Variants in ABCC1 observed in about 807,000 individuals in gnomAD.
ABCC1 encodes multidrug resistance-associated protein 1.
In ABCC1, 83 loss-of-function variants were observed where a neutral mutation model predicts 172.9. That is an observed-to-expected ratio of 0.48 (90% confidence interval 0.40 to 0.58). The LOEUF is 0.58. Among genes scored for constraint, ABCC1 ranks in the 20% least tolerant of loss-of-function variants. ABCC1 has a pLI of 0.00. For synonymous variants in ABCC1, 937 were observed against 825.2 expected (o/e 1.14, Z -2.32); for missense variants, 1,817 against 2,002.7 (o/e 0.91, Z 1.77).
chr16:16,001,265 GC>G (rs2047296700), intron 1 of ABCC1, among the ~76,000 whole-genome samples: 2 of 152,114 alleles, frequency 1.3e-5, no homozygotes, highest in Admixed American at 1.3e-4. Flanking sequence ...AGGCTGGAGT[GC>G]AGTGGCGCGA....
At chr16:16,115,119 C>T in intron 23 of ABCC1, 43 bp downstream of exon 23, 1 of 1,574,116 alleles carries the variant, frequency 6.4e-7, no homozygotes, top group Non-Finnish European at 8.7e-7. Context: ...CCCTACTGTG[C>T]ATTATATACC....
At chr16:15,954,276 G>T (rs933962199) in intron 1 of ABCC1, among the ~76,000 whole-genome samples, 5 of 152,198 alleles carry the variant, frequency 3.3e-5, no homozygotes, top group South Asian at 4.1e-4. Context: ...TGGTCAACCT[G>T]CCTCAGCCTC....
chr16:16,104,922 T>G (rs1008478547), intron 20 of ABCC1, among the ~76,000 whole-genome samples: 2 of 151,720 alleles, frequency 1.3e-5, no homozygotes. Context: ...CAGCTCTGAG[T>G]GCGGGGTCCA....
Position 16,090,587 on chromosome 16 carries a change from C to G in ABCC1, c.2643C>G (p.Asn881Lys). The G allele has an allele frequency of 6.3e-7, 1 of 1,584,248 alleles. No homozygotes were observed. Among genetic ancestry groups the G allele is most frequent in the Non-Finnish European group, 8.6e-7 (1 of 1,160,142 alleles). Residue 881 changes from asparagine to lysine, a missense_variant and splice_region_variant, in exon 19 of 31, where the codon AAC becomes AAG. Transcript: ENST00000399410. The part of the protein sequence containing the change: ...STEQEQDAEE[N>K]GVTGVSGPGK... The stretch of plus-strand genomic sequence containing the variant: ...AGCAGGAGCAGGATGCAGAGGAGAA[C>G]GGTAGGGGCAGCCCCAGGGTTCCAC...
At chr16:16,005,540 G>A (rs2047497878) in intron 1 of ABCC1, among the ~76,000 whole-genome samples, 1 of 152,028 alleles carries the variant, frequency 6.6e-6, no homozygotes, top group African/African-American at 2.4e-5. Flanking sequence ...TAGAGATGAG[G>A]TTTTACCATG....
At chr16:15,978,559 G>A (rs1041103214) in intron 1 of ABCC1, among the ~76,000 whole-genome samples, 27 of 152,034 alleles carry the variant, frequency 1.8e-4, no homozygotes, top group Non-Finnish European at 1.9e-4. Context: ...TGGACAAATC[G>A]TATCTTATAT....
chr16:16,000,203 A>G (rs1049424418), intron 1 of ABCC1, among the ~76,000 whole-genome samples: 4 of 149,822 alleles, frequency 2.7e-5, no homozygotes, highest in East Asian at 2.0e-4. Context: ...TTGGAGTGCA[A>G]TGGTGTGATT....
chr16:16,137,545 C>CTTTTTTTT (rs151237296), intron 29 of ABCC1, among the ~76,000 whole-genome samples: 6 of 56,682 alleles, frequency 1.1e-4, no homozygotes, highest in African/African-American at 3.5e-4. Flanking sequence ...GGTATGAGGC[C>CTTTTTTTT]TTTTTTTTTT....
At chr16:16,070,420 T>C (rs1198683750) in intron 13 of ABCC1, among the ~76,000 whole-genome samples, 1 of 151,506 alleles carries the variant, frequency 6.6e-6, no homozygotes, top group Non-Finnish European at 1.5e-5. Flanking sequence ...ATCCCAGCAC[T>C]CTGGGAGGCC....
chr16:15,999,979 C>T (rs978292237), intron 1 of ABCC1, among the ~76,000 whole-genome samples: 11 of 149,592 alleles, frequency 7.4e-5, no homozygotes, highest in Admixed American at 2.7e-4. Flanking sequence ...CTCAGCCTCC[C>T]GAGTAGCTGG....
rs1465930777 is a variant in ABCC1 at position 16,048,176 on chromosome 16, C to T, written c.1253C>T (p.Ser418Phe). ...ATCACCAATTCAGCCAGAAAATCCT[C>T]CACGGTCGGGGAGATTGTCAACCTC... is the stretch of plus-strand genomic sequence containing the variant. ...LVITNSARKS[S>F]TVGEIVNLMS... The change falls in exon 10 of 31, where the codon TCC becomes TTC. Residue 418 changes from serine to phenylalanine, a missense_variant. Ser to Phe is a radical substitution (Grantham distance 155). This residue lies in a region of ABCC1 where 1,412 missense variants were observed against 1,600.3 expected (regional missense o/e 0.88). Coordinates refer to ENST00000399410, the MANE Select transcript of ABCC1 (RefSeq NM_004996.4). 3.1e-6 allele frequency: 5 copies of T among 1,614,078 alleles called. No homozygotes were observed. The highest frequency in any genetic ancestry group is 3.4e-6 in the Non-Finnish European group (4 of 1,180,030).
intron 1 of ABCC1, among the ~76,000 whole-genome samples, chr16:15,960,781 TAA>T (rs1334067511): frequency 6.6e-6 from 1 of 152,056 alleles, no homozygotes; most frequent in Non-Finnish European, 1.5e-5. Context: ...ATGGTGTGGT[TAA>T]AGTATTGAGG....
chr16:16,132,253 G>A (rs2045708793), intron 27 of ABCC1, among the ~76,000 whole-genome samples: 2 of 152,072 alleles, frequency 1.3e-5, no homozygotes, highest in African/African-American at 4.8e-5. Context: ...GCAGTGGTGT[G>A]ATCTCAGCCC....
At chr16:16,024,112 G>C (rs1032241660) in intron 5 of ABCC1, among the ~76,000 whole-genome samples, 4 of 152,118 alleles carry the variant, frequency 2.6e-5, no homozygotes, top group African/African-American at 7.2e-5. Context: ...CCAGCTACTC[G>C]GGAGGCTCAG....
intron 1 of ABCC1, among the ~76,000 whole-genome samples, chr16:15,974,794 T>C (rs1006888551): frequency 1.3e-5 from 2 of 152,188 alleles, no homozygotes; most frequent in Admixed American, 1.3e-4. Context: ...TCTTTCTGTT[T>C]TTCTTTTTAT....
chr16:16,059,201 C>T (rs540276822), intron 12 of ABCC1, among the ~76,000 whole-genome samples: 25 of 152,294 alleles, frequency 1.6e-4, no homozygotes, highest in African/African-American at 5.3e-4. Flanking sequence ...AGCCCAGATC[C>T]ACTGAAACGG....
intron 1 of ABCC1, among the ~76,000 whole-genome samples, chr16:15,962,128 A>G (rs2151503118): frequency 6.6e-6 from 1 of 152,344 alleles, no homozygotes; most frequent in Middle Eastern, 3.4e-3. Flanking sequence ...GGAAGTGATC[A>G]GGCCCATGTT....
At chr16:16,106,432 G>T in intron 20 of ABCC1, 3 of 119,150 alleles carry the variant, frequency 2.5e-5, no homozygotes, top group East Asian at 1.8e-4. Context: ...AAAAAAAAAA[G>T]CACGCACTTT....
intron 26 of ABCC1, among the ~76,000 whole-genome samples, chr16:16,126,818 C>A (rs1191227929): frequency 6.6e-6 from 1 of 152,172 alleles, no homozygotes; most frequent in Non-Finnish European, 1.5e-5. Context: ...ATTAAAACAA[C>A]AAGAGAATGA....
Sources: allele counts gnomAD v4.1 joint callset (sites outside exome capture counted in the v4.1 genomes callset), GRCh38; gene constraint gnomAD v4.1.1; regional missense constraint gnomAD v4.1.1; transcripts MANE v1.5; gene names NCBI Gene and HGNC (gene_info 2026-07-23, HGNC 2026-07-21).